The following NPAS2 variants were observed in gnomAD, a reference collection of about 807,000 sequenced individuals.
NPAS2 encodes neuronal PAS domain protein 2, also known as neuronal PAS domain-containing protein 2.
NPAS2 carries 23 observed loss-of-function variants against 107.5 expected under a neutral mutation model. The observed-to-expected ratio is 0.21, with a 90% CI of 0.15 to 0.30. The LOEUF (loss-of-function observed/expected upper bound fraction) is 0.30, where lower values mean the gene tolerates loss of function less well. Among genes scored for constraint, NPAS2 ranks in the 10% least tolerant of loss-of-function variants. The pLI, the probability that NPAS2 is intolerant of heterozygous loss-of-function variation, is 1.00. For missense variants in NPAS2, 756 were observed against 1,043.3 expected (o/e 0.72, Z 3.79); for synonymous variants, 403 against 417.5 (o/e 0.97, Z 0.42).
chr2:100,913,915 C>T (rs562402647), intron 2 of NPAS2, among the ~76,000 whole-genome samples: 2 of 152,290 alleles, frequency 1.3e-5, no homozygotes, highest in East Asian at 3.9e-4. Context: ...TGAGCATCTT[C>T]CTTCCTCCTC....
chr2:100,877,904 C>T (rs1680087541), intron 1 of NPAS2: 27 of 901,220 alleles, frequency 3.0e-5, no homozygotes, highest in Non-Finnish European at 3.3e-5. Context: ...ATACCAGGGA[C>T]CAAGTAAAAT....
At chr2:100,897,509 C>G (rs6742116) in intron 1 of NPAS2, among the ~76,000 whole-genome samples, 49,181 of 152,032 alleles carry the variant, frequency 0.32, 8,242 homozygotes, top group East Asian at 0.42. Flanking sequence ...TCCACCTCCC[C>G]CTCACCAAAG....
At chr2:100,925,973 A>G (rs1036502819) in intron 3 of NPAS2, among the ~76,000 whole-genome samples, 1 of 152,050 alleles carries the variant, frequency 6.6e-6, no homozygotes, top group Non-Finnish European at 1.5e-5. Context: ...CCTGGCAACC[A>G]CGAATCTGTT....
At chr2:100,949,510 A>T in intron 7 of NPAS2, 30 bp downstream of exon 7, 1 of 1,318,930 alleles carries the variant, frequency 7.6e-7, no homozygotes, top group Non-Finnish European at 1.1e-6. Flanking sequence ...TAATTGTGAC[A>T]GTGTCTTTTC....
At chr2:100,864,039 A>G (rs1294635448) in intron 1 of NPAS2, among the ~76,000 whole-genome samples, 20 of 152,240 alleles carry the variant, frequency 1.3e-4, no homozygotes, top group Admixed American at 1.3e-3. Flanking sequence ...TTGTGAAAGC[A>G]TTATGCCGAG....
chr2:100,873,297 TATATATATATACAC>T (rs1460746593), intron 1 of NPAS2, among the ~76,000 whole-genome samples: 24 of 42,618 alleles, frequency 5.6e-4, no homozygotes, highest in South Asian at 1.9e-3. Context: ...TATATATATA[TATATATATATACAC>T]ACACACACAC....
At chr2:100,871,054 A>C (rs1350389867) in intron 1 of NPAS2, among the ~76,000 whole-genome samples, 3 of 152,214 alleles carry the variant, frequency 2.0e-5, no homozygotes, top group Non-Finnish European at 4.4e-5. Context: ...GCCCTGGGCA[A>C]CCTGTTGCCT....
intron 10 of NPAS2, among the ~76,000 whole-genome samples, chr2:100,966,438 G>A (rs1475619790): frequency 6.6e-6 from 1 of 152,162 alleles, no homozygotes; most frequent in East Asian, 1.9e-4. Context: ...CACTTAGCAA[G>A]TGGTTTCAAG....
chr2:100,973,007 C>T (rs981190300), intron 12 of NPAS2, among the ~76,000 whole-genome samples: 2 of 152,068 alleles, frequency 1.3e-5, no homozygotes, highest in African/African-American at 2.4e-5. Flanking sequence ...GGAGAAACCC[C>T]GTCTCCACTA....
intron 1 of NPAS2, among the ~76,000 whole-genome samples, chr2:100,864,791 A>G (rs1223762435): frequency 6.6e-6 from 1 of 152,216 alleles, no homozygotes; most frequent in Admixed American, 6.5e-5. Context: ...AATTATTGAG[A>G]ATCCCAAAGA....
intron 3 of NPAS2, among the ~76,000 whole-genome samples, chr2:100,927,701 G>A (rs1420560944): frequency 6.6e-6 from 1 of 152,116 alleles, no homozygotes; most frequent in Admixed American, 6.5e-5. Context: ...TCCATCACAC[G>A]ATCACCTGCA....
intron 1 of NPAS2, among the ~76,000 whole-genome samples, chr2:100,863,977 A>C (rs1474935013): frequency 6.6e-6 from 1 of 152,210 alleles, no homozygotes; most frequent in Admixed American, 6.5e-5. Context: ...AGCACTTAGA[A>C]ATTGTCTGAA....
At chr2:100,874,356 G>A (rs757341979) in intron 1 of NPAS2, among the ~76,000 whole-genome samples, 26 of 152,076 alleles carry the variant, frequency 1.7e-4, no homozygotes, top group Non-Finnish European at 3.2e-4. Context: ...TGCCATATGC[G>A]GAGCACCCCA....
chr2:100,903,913 G>A (rs1188176515), intron 1 of NPAS2, among the ~76,000 whole-genome samples: 1 of 152,160 alleles, frequency 6.6e-6, no homozygotes, highest in African/African-American at 2.4e-5. Context: ...GCCTGCGTGT[G>A]GTAGGAGAGG....
At chr2:100,824,302 A>G (rs932644875) in intron 1 of NPAS2, among the ~76,000 whole-genome samples, 1 of 152,206 alleles carries the variant, frequency 6.6e-6, no homozygotes, top group Non-Finnish European at 1.5e-5. Context: ...TATTGGGAGC[A>G]TGCTTATCTC....
At chr2:100,912,591 G>T (rs1007685258) in intron 2 of NPAS2, among the ~76,000 whole-genome samples, 3 of 152,166 alleles carry the variant, frequency 2.0e-5, no homozygotes, top group Non-Finnish European at 4.4e-5. Context: ...AAAGATGGTG[G>T]GTAGAACCCC....
intron 7 of NPAS2, among the ~76,000 whole-genome samples, chr2:100,950,528 C>G (rs932620536): frequency 6.6e-6 from 1 of 152,198 alleles, no homozygotes; most frequent in South Asian, 2.1e-4. Flanking sequence ...AGTAATGGCA[C>G]CAAGTCCTCA....
At chr2:100,928,898 C>T (rs921220546) in intron 3 of NPAS2, among the ~76,000 whole-genome samples, 7 of 152,170 alleles carry the variant, frequency 4.6e-5, no homozygotes, top group Admixed American at 4.6e-4. Context: ...TAGAGCTCCT[C>T]TTCATGGCAG....
chr2:100,955,313 G>T (rs1228693926), intron 7 of NPAS2, among the ~76,000 whole-genome samples: 1 of 152,174 alleles, frequency 6.6e-6, no homozygotes, highest in Non-Finnish European at 1.5e-5. Flanking sequence ...ATAATGGAAT[G>T]GGAAGGACAG....
Sources: gnomAD v4.1 joint callset for allele counts (sites outside exome capture counted in the v4.1 genomes callset) on GRCh38, gnomAD v4.1.1 for gene constraint, MANE v1.5 for transcripts, NCBI Gene and HGNC (gene_info 2026-07-23, HGNC 2026-07-21) for gene names.